The following BANP variants were observed in gnomAD, a reference collection of about 807,000 sequenced individuals.
BANP encodes the protein protein BANP.
A neutral mutation model predicts 68.1 loss-of-function variants in BANP; 11 were observed. The ratio of observed to expected loss-of-function variants is 0.16; its 90% CI spans 0.10 to 0.27. BANP has a LOEUF of 0.27. BANP is among the 10% of genes least tolerant of loss of function. BANP has a pLI of 1.00. For missense variants in BANP, 504 were observed against 722.7 expected, an observed-to-expected ratio of 0.70 and a Z score of 3.47; for synonymous variants, 329 against 303.2, an observed-to-expected ratio of 1.09 and a Z score of -0.88.
At chr16:88,073,103 G>C (rs1022011225) in intron 13 of BANP, among the ~76,000 whole-genome samples, 1 of 152,226 alleles carries the variant, frequency 6.6e-6, no homozygotes, top group Non-Finnish European at 1.5e-5. Context: ...CTGAGGGCAG[G>C]TGTGCCCCTC....
chr16:88,040,411 C>T (rs557729428), intron 11 of BANP, among the ~76,000 whole-genome samples: 7 of 152,302 alleles, frequency 4.6e-5, no homozygotes, highest in African/African-American at 1.7e-4. Context: ...ATGTTGTCGA[C>T]TGGGCTAAGA....
intron 4 of BANP, among the ~76,000 whole-genome samples, chr16:87,999,026 G>A (rs1233543882): frequency 3.2e-5 from 4 of 126,284 alleles, no homozygotes; most frequent in Admixed American, 7.8e-5. Context: ...CTCCATGCAC[G>A]CACGTGTGCG....
chr16:88,075,560 CCCGTGGGCTCGG>C (rs1224067727), intron 13 of BANP, among the ~76,000 whole-genome samples: 2 of 152,098 alleles, frequency 1.3e-5, no homozygotes, highest in African/African-American at 2.4e-5. Flanking sequence ...GCCTCTTCCT[CCCGTGGGCTCGG>C]CCGTGGGCTC....
chr16:88,075,742 T>A (rs2091468006), intron 13 of BANP, among the ~76,000 whole-genome samples: 1 of 136,134 alleles, frequency 7.3e-6, no homozygotes, highest in Admixed American at 8.5e-5. Flanking sequence ...ATGTTTTTCC[T>A]TTACTTTTTT....
At chr16:87,984,366 G>T in intron 4 of BANP, 107 bp downstream of exon 4, 3 of 1,254,818 alleles carry the variant, frequency 2.4e-6, no homozygotes, top group South Asian at 1.4e-5. Context: ...GAGATGCGCG[G>T]TGTCTGCCTC....
Position 88,064,896 on chromosome 16 carries a change from A to G in BANP, c.1312-371A>G, listed in dbSNP as rs2088061765. ...AGAGCCCAGTGGCCTCCAGGGGAAC[A>G]CGAGTCATAGAGGACATTTCATTTT... is the stretch of plus-strand genomic sequence containing the variant. On this transcript the variant is annotated intron_variant, in intron 11 of 13. Transcript: ENST00000682872. The surrounding 1 kb of genome is among the most constrained non-coding windows in gnomAD (Gnocchi z 4.5). Among the ~76,000 whole-genome samples the G allele has an allele frequency of 6.6e-6, 1 of 151,116 alleles. No individual in the cohort carries two copies. Among genetic ancestry groups the G allele is most frequent in the African/African-American group, 2.4e-5 (1 of 41,400 alleles).
chr16:88,047,738 C>T (rs12933189), intron 11 of BANP, among the ~76,000 whole-genome samples: 2 of 152,130 alleles, frequency 1.3e-5, no homozygotes, highest in African/African-American at 2.4e-5. Flanking sequence ...CTGCAGACCA[C>T]GTTCAGGTCC....
chr16:87,950,319 G>A (rs1567550962), upstream of BANP: 1 of 152,254 alleles, frequency 6.6e-6, no homozygotes, highest in Non-Finnish European at 1.5e-5. Context: ...TAGATTAGCA[G>A]AGGGAGATAA....
At chr16:88,076,436 C>G (rs568193240) in intron 13 of BANP, among the ~76,000 whole-genome samples, 154 bp from the exon 14 acceptor site, 1 of 152,216 alleles carries the variant, frequency 6.6e-6, no homozygotes, top group African/African-American at 2.4e-5. Flanking sequence ...CGTTGTGTAC[C>G]AAGTCGGGTG....
At chr16:87,983,622 ACCTTTTC>A (rs1374444612) in intron 3 of BANP, among the ~76,000 whole-genome samples, 1 of 151,934 alleles carries the variant, frequency 6.6e-6, no homozygotes, top group Non-Finnish European at 1.5e-5. Flanking sequence ...GGGTCCCGTC[ACCTTTTC>A]CCATTAGGCA....
chr16:87,979,940 AAAAC>A (rs1221650654), intron 2 of BANP, among the ~76,000 whole-genome samples: 3 of 152,176 alleles, frequency 2.0e-5, no homozygotes, highest in African/African-American at 4.8e-5. Flanking sequence ...TTAAAAAACA[AAAAC>A]AAAAACCAAA....
chr16:88,035,555 G>A (rs1426710812), intron 10 of BANP, among the ~76,000 whole-genome samples, 161 bp downstream of exon 10: 3 of 152,272 alleles, frequency 2.0e-5, no homozygotes, highest in Admixed American at 1.3e-4. Flanking sequence ...TAGCGGGCCT[G>A]CAGTCTCTGT....
At position 88,006,149 on chromosome 16, in the gene BANP, G is replaced by A. The variant is rs1207825871; in HGVS notation, c.539G>A (p.Ser180Asn). ...GTGAAGGTGCCGGGCCAAGAAGACA[G>A]CCACCACGAGGACGGGGAGAGCGGC... Reference protein sequence around the residue: ...IVVKVPGQEDSHHEDGESGSE... With the variant: ...IVVKVPGQEDNHHEDGESGSE... Residue 180 changes from serine to asparagine, a missense_variant, in exon 6 of 14, where the codon AGC (serine) becomes AAC (asparagine). Ser to Asn is a conservative substitution (Grantham distance 46). Around this residue, in one of 3 missense-constraint regions of BANP, gnomAD observed 238 missense variants for 278.9 expected, o/e 0.85. Transcript: ENST00000682872. The A allele has an allele frequency of 3.2e-5, 52 of 1,613,772 alleles. No homozygotes were observed. The highest frequency in any genetic ancestry group is 4.4e-5 in the Non-Finnish European group (52 of 1,179,926).
At chr16:87,987,383 G>C (rs1252459544) in intron 4 of BANP, among the ~76,000 whole-genome samples, 1 of 152,108 alleles carries the variant, frequency 6.6e-6, no homozygotes, top group Admixed American at 6.5e-5. Context: ...CTAGTGGAGT[G>C]ATTTCCTTTC....
chr16:88,029,326 A>T, intron 8 of BANP, among the ~76,000 whole-genome samples: 1 of 147,162 alleles, frequency 6.8e-6, no homozygotes, highest in East Asian at 2.0e-4. Context: ...AAAAAAAAAA[A>T]AAGCCGGGTG....
chr16:88,058,477 G>A (rs1273244240), intron 11 of BANP, among the ~76,000 whole-genome samples: 2 of 152,270 alleles, frequency 1.3e-5, no homozygotes, highest in South Asian at 4.1e-4. Context: ...AGTGACTCAA[G>A]CACAGGGGTC....
chr16:88,050,282 C>T (rs536516441), intron 11 of BANP, among the ~76,000 whole-genome samples: 33 of 152,046 alleles, frequency 2.2e-4, no homozygotes, highest in African/African-American at 6.7e-4. Flanking sequence ...TCAGCCTCCC[C>T]GGTGGCTGGG....
At chr16:87,993,130 CCTT>C (rs1420595920) in intron 4 of BANP, among the ~76,000 whole-genome samples, 2 of 152,248 alleles carry the variant, frequency 1.3e-5, no homozygotes, top group Non-Finnish European at 2.9e-5. Context: ...TAGGTGAAGT[CCTT>C]CTCATCGCAT....
chr16:87,967,703 C>G (rs937738274), intron 1 of BANP, among the ~76,000 whole-genome samples: 1 of 150,560 alleles, frequency 6.6e-6, no homozygotes, highest in Non-Finnish European at 1.5e-5. Context: ...CTCATTGCAG[C>G]CTCCGCCTCC....
Sources: gnomAD v4.1 joint callset for allele counts (sites outside exome capture counted in the v4.1 genomes callset) on GRCh38, gnomAD v4.1.1 for gene constraint, gnomAD v4.1.1 regional missense constraint, Gnocchi (gnomAD v3.1) non-coding constraint, MANE v1.5 for transcripts, NCBI Gene and HGNC (gene_info 2026-07-23, HGNC 2026-07-21) for gene names.